LUZP2: variants seen among roughly 807,000 people sequenced by gnomAD.
The protein encoded by LUZP2 is leucine zipper protein 2.
In LUZP2, 52 loss-of-function variants were observed where a neutral mutation model predicts 51.6. That is an observed-to-expected ratio of 1.01 (90% CI 0.81 to 1.27). LUZP2 has a LOEUF of 1.27. Ranked by LOEUF, LUZP2 falls within the 50% of genes most tolerant of loss-of-function variation. LUZP2 has a pLI of 0.00. For missense variants in LUZP2, 436 were observed against 395.4 expected (o/e 1.10, Z -0.87); for synonymous variants, 154 against 137.3 (o/e 1.12, Z -0.85).
intron 7 of LUZP2, among the ~76,000 whole-genome samples, chr11:24,967,556 T>G (rs1395542977): frequency 2.0e-5 from 3 of 151,952 alleles, no homozygotes; most frequent in African/African-American, 4.8e-5. Context: ...TTTGAGGCCC[T>G]GTTCATGTTT....
chr11:24,498,827 A>C (rs910380153), intron 1 of LUZP2, among the ~76,000 whole-genome samples: 1 of 151,728 alleles, frequency 6.6e-6, no homozygotes, highest in African/African-American at 2.4e-5. Context: ...GATGACAGTC[A>C]ACACATGCAT....
At chr11:24,502,673 A>G (rs1011201752) in intron 1 of LUZP2, among the ~76,000 whole-genome samples, 8 of 152,158 alleles carry the variant, frequency 5.3e-5, no homozygotes. Context: ...GGCATGAGCC[A>G]CCGTGCCCAG....
At chr11:24,509,083 G>T (rs372894448) in intron 1 of LUZP2, among the ~76,000 whole-genome samples, 1 of 152,192 alleles carries the variant, frequency 6.6e-6, no homozygotes, top group African/African-American at 2.4e-5. Context: ...CACGCGACAT[G>T]TGCGATGAGT....
intron 1 of LUZP2, among the ~76,000 whole-genome samples, chr11:24,557,204 A>C (rs1432837954): frequency 1.4e-5 from 2 of 147,606 alleles, no homozygotes; most frequent in African/African-American, 4.9e-5. Flanking sequence ...CCTGAGTCCT[A>C]TCTCTCTTGC....
chr11:24,906,073 T>C lies in LUZP2; in HGVS notation c.459+20T>C, dbSNP rs892647179. The C allele has an allele frequency of 6.3e-7, 1 of 1,595,462 alleles. No homozygotes were observed. Among genetic ancestry groups the C allele is most frequent in the African/African-American group, 1.3e-5 (1 of 74,658 alleles). On this transcript the variant is annotated intron_variant, in intron 6 of 11. Transcript: ENST00000336930. ...GAAGAGGTGAGTAAATTTTTGCTTC[T>C]TCTAGCTTTAACCAGATAAAAACAG...
intron 1 of LUZP2, among the ~76,000 whole-genome samples, chr11:24,660,661 C>T (rs775618235): frequency 6.6e-6 from 1 of 152,052 alleles, no homozygotes; most frequent in Non-Finnish European, 1.5e-5. Context: ...AGACTTTGTG[C>T]AAACTGTCAG....
intron 7 of LUZP2, among the ~76,000 whole-genome samples, chr11:24,926,378 TGTATATATATAC>T (rs1418493360): frequency 1.4e-4 from 7 of 48,908 alleles, no homozygotes; most frequent in East Asian, 1.8e-3. Flanking sequence ...TATATACGTG[TGTATATATATAC>T]GTGTGTATAT....
chr11:24,624,926 A>G (rs10742047), intron 1 of LUZP2, among the ~76,000 whole-genome samples: 149,893 of 152,200 alleles, frequency 0.98, 73,848 homozygotes, highest in East Asian at 1. Context: ...AAAAGATCAA[A>G]GATAGGAGGA....
intron 1 of LUZP2, among the ~76,000 whole-genome samples, chr11:24,585,635 A>C (rs1000286588): frequency 6.6e-6 from 1 of 152,092 alleles, no homozygotes; most frequent in Non-Finnish European, 1.5e-5. Flanking sequence ...GAACAACAAC[A>C]ACCACTTCTG....
intron 4 of LUZP2, among the ~76,000 whole-genome samples, chr11:24,740,343 A>G (rs1859092180): frequency 6.6e-6 from 1 of 152,158 alleles, no homozygotes; most frequent in Non-Finnish European, 1.5e-5. Flanking sequence ...ATATCCAAGT[A>G]TGACAAATGT....
At chr11:24,929,852 A>G (rs1455159451) in intron 7 of LUZP2, among the ~76,000 whole-genome samples, 2 of 152,086 alleles carry the variant, frequency 1.3e-5, no homozygotes, top group East Asian at 1.9e-4. Context: ...CGTGCTGTCT[A>G]TATAATTTCT....
intron 10 of LUZP2, among the ~76,000 whole-genome samples, chr11:25,070,435 A>T (rs560678777): frequency 6.6e-6 from 1 of 151,904 alleles, no homozygotes; most frequent in Non-Finnish European, 1.5e-5. Flanking sequence ...GCCCATCTAG[A>T]TAATCTCCAT....
intron 5 of LUZP2, among the ~76,000 whole-genome samples, chr11:24,871,473 G>A (rs970665090): frequency 1.3e-5 from 2 of 151,926 alleles, no homozygotes; most frequent in African/African-American, 4.8e-5. Context: ...ACATTTTGCT[G>A]TAAACTTGAA....
intron 5 of LUZP2, among the ~76,000 whole-genome samples, chr11:24,845,493 A>C (rs1851171573): frequency 6.6e-6 from 1 of 152,148 alleles, no homozygotes; most frequent in Admixed American, 6.5e-5. Flanking sequence ...TGTTGGGAAC[A>C]CAGGATTGGC....
chr11:24,646,047 T>C (rs376364555), intron 1 of LUZP2, among the ~76,000 whole-genome samples: 1 of 152,014 alleles, frequency 6.6e-6, no homozygotes, highest in African/African-American at 2.4e-5. Flanking sequence ...TGGTCTTAGG[T>C]TGGTTACAGT....
intron 5 of LUZP2, among the ~76,000 whole-genome samples, chr11:24,903,827 A>G (rs1169112871): frequency 6.6e-6 from 1 of 152,182 alleles, no homozygotes; most frequent in Non-Finnish European, 1.5e-5. Flanking sequence ...TGTCAAAGGG[A>G]CAAACATTTG....
At chr11:24,892,818 T>A (rs1451820876) in intron 5 of LUZP2, 1 of 152,206 alleles carries the variant, frequency 6.6e-6, no homozygotes, top group African/African-American at 2.4e-5. Context: ...TAATAGTTTT[T>A]AAACTTCAAA....
intron 9 of LUZP2, among the ~76,000 whole-genome samples, chr11:24,997,816 C>A: frequency 6.6e-6 from 1 of 152,098 alleles, no homozygotes; most frequent in Non-Finnish European, 1.5e-5. Context: ...AGGAAGGGAT[C>A]CAGTTTTAGC....
intron 7 of LUZP2, among the ~76,000 whole-genome samples, chr11:24,964,791 A>T (rs964763628): frequency 1.3e-5 from 2 of 151,928 alleles, no homozygotes; most frequent in Non-Finnish European, 2.9e-5. Context: ...TTATATCTCA[A>T]AGCATTTTTT....
Sources: allele counts gnomAD v4.1 joint callset (sites outside exome capture counted in the v4.1 genomes callset), GRCh38; gene constraint gnomAD v4.1.1; transcripts MANE v1.5; gene names NCBI Gene and HGNC (gene_info 2026-07-23, HGNC 2026-07-21).